Variants in SHISA5 observed in about 807,000 individuals in gnomAD.
SHISA5 encodes protein shisa-5.
SHISA5 carries 21 observed loss-of-function variants against 27.5 expected under a neutral mutation model. The observed-to-expected ratio is 0.76, with a 90% confidence interval of 0.54 to 1.10. The LOEUF (loss-of-function observed/expected upper bound fraction) is 1.10, where lower values mean the gene tolerates loss of function less well. SHISA5 is among the 50% of genes least tolerant of loss of function. SHISA5 has a pLI of 0.00. For missense variants in SHISA5, 314 were observed against 336.3 expected, an observed-to-expected ratio of 0.93 and a Z score of 0.52; for synonymous variants, 137 against 142.2, an observed-to-expected ratio of 0.96 and a Z score of 0.26.
intron 2 of SHISA5, among the ~76,000 whole-genome samples, chr3:48,490,410 C>A (rs1450797473): frequency 6.6e-6 from 1 of 152,350 alleles, no homozygotes; most frequent in Non-Finnish European, 1.5e-5. Context: ...CACCACCCAG[C>A]AGAGCCATGG....
chr3:48,485,245 C>T (rs1484566626), intron 2 of SHISA5, among the ~76,000 whole-genome samples: 2 of 151,926 alleles, frequency 1.3e-5, no homozygotes, highest in Non-Finnish European at 2.9e-5. Flanking sequence ...CCTGTAATCC[C>T]AGCACTTTGG....
chr3:48,482,697 G>A (rs529359188), intron 2 of SHISA5, among the ~76,000 whole-genome samples: 4 of 151,906 alleles, frequency 2.6e-5, no homozygotes, highest in African/African-American at 4.8e-5. Context: ...GTGCAGTGGT[G>A]CAATCTCGGC....
At chr3:48,478,957 C>G (rs2040911874) in intron 3 of SHISA5, among the ~76,000 whole-genome samples, 1 of 152,098 alleles carries the variant, frequency 6.6e-6, no homozygotes, top group Non-Finnish European at 1.5e-5. Flanking sequence ...AATTGTCAAC[C>G]CCCGACCACA....
chr3:48,468,770 A>T lies in SHISA5; in HGVS notation c.*337T>A, dbSNP rs1405907762. ...AGGGTAAGCTGGAGAAGAACTCCAGATGTGCCCTGGAGAGGCCCCCACCTC... is the reference window on the plus strand; with the variant it reads ...AGGGTAAGCTGGAGAAGAACTCCAGTTGTGCCCTGGAGAGGCCCCCACCTC... On this transcript the variant is annotated 3_prime_UTR_variant, in exon 6 of 6. Transcript: ENST00000296444. 1.4e-6 allele frequency: 2 copies of T among 1,393,732 alleles called. No individual in the cohort carries two copies. The highest frequency in any genetic ancestry group is 1.9e-6 in the Non-Finnish European group (2 of 1,056,500). 86.3% of individuals were successfully genotyped at this position (1,393,732 alleles called of 1,614,324 possible).
intron 2 of SHISA5, among the ~76,000 whole-genome samples, 156 bp downstream of exon 2, chr3:48,500,981 C>T (rs904524383): frequency 2.0e-5 from 3 of 152,098 alleles, no homozygotes; most frequent in African/African-American, 7.2e-5. Flanking sequence ...GGGGTCCAGC[C>T]CAGAACAGGG....
At chr3:48,477,062 C>G (rs1201855354) in intron 3 of SHISA5, 1 of 452,218 alleles carries the variant, frequency 2.2e-6, no homozygotes, top group East Asian at 7.0e-5. Flanking sequence ...TTGTTCCGCA[C>G]TGTCTCCTCC....
In SHISA5 at chr3:48,504,120, G is replaced by C; in HGVS notation, c.-26C>G. ...GGCTGGGCGGGCGGACGGGCGGACG[G>C]ACGCGAGCGCCGGGCGCAGTGCCGC... is the stretch of plus-strand genomic sequence containing the variant. On this transcript the variant is annotated 5_prime_UTR_variant, in exon 1 of 6. Transcript: ENST00000296444. The surrounding 1 kb of genome is among the most constrained non-coding windows in gnomAD (Gnocchi z 4.0). The C allele has an allele frequency of 8.3e-7, 1 of 1,205,278 alleles. No individual in the cohort carries two copies. The highest frequency in any genetic ancestry group is 1.1e-6 in the Non-Finnish European group (1 of 932,980). 74.7% of individuals were successfully genotyped at this position (1,205,278 alleles called of 1,614,324 possible). A position where few individuals can be genotyped will look rare whatever the true frequency, so the allele number is the denominator to read the frequency against.
intron 2 of SHISA5, among the ~76,000 whole-genome samples, chr3:48,497,902 A>G (rs968458485): frequency 2.1e-4 from 31 of 151,076 alleles, no homozygotes; most frequent in African/African-American, 6.3e-4. Flanking sequence ...AAAAAAAAGA[A>G]GAGAGAGAGA....
chr3:48,478,190 A>G (rs1243474636), intron 3 of SHISA5, among the ~76,000 whole-genome samples: 1 of 152,104 alleles, frequency 6.6e-6, no homozygotes, highest in Non-Finnish European at 1.5e-5. Context: ...CGTGGAGGGG[A>G]AGGCCTGTAG....
intron 3 of SHISA5, among the ~76,000 whole-genome samples, chr3:48,471,641 G>A (rs1030334256): frequency 1.3e-5 from 2 of 151,338 alleles, no homozygotes; most frequent in African/African-American, 2.4e-5. Flanking sequence ...GGTTGGGTGC[G>A]GTGGCTCACA....
chr3:48,483,768 TGACCCCACCACCTCCCTCCCGGACGGGGC>T (rs2041107086), intron 2 of SHISA5, among the ~76,000 whole-genome samples: 1 of 149,358 alleles, frequency 6.7e-6, no homozygotes, highest in African/African-American at 2.5e-5. Context: ...GGCGGGGGGC[TGACCCCACCACCTCCCTCCCGGACGGGGC>T]GGCTGGCCGG....
chr3:48,469,707 G>A lies in SHISA5; in HGVS notation c.430+21C>T. 6.2e-7 allele frequency: 1 copy of A among 1,613,526 alleles called. No individual in the cohort carries two copies. Among genetic ancestry groups the A allele is most frequent in the South Asian group, 1.1e-5 (1 of 91,020 alleles). ...CTTACCACCCCAGGGGGTCACAGTG[G>A]GGCAGGGTGGGCACGCTTACGACGT... On this transcript the variant is annotated intron_variant, in intron 4 of 5. Transcript: ENST00000296444. This position sits in a 1 kb window ranked among gnomAD's most constrained non-coding sequence, Gnocchi z 4.6.
At position 48,473,561 on chromosome 3, in the gene SHISA5, C is replaced by A; in HGVS notation, c.315-3718G>T. ...GCCTGTCCCTTTAGCTCCTCCTCTC[C>A]CACCAGCACTCTCTCCAATCTGTCT... On this transcript the variant is annotated intron_variant, in intron 3 of 5. Transcript: ENST00000296444. The surrounding 1 kb of genome is among the most constrained non-coding windows in gnomAD (Gnocchi z 4.3). The A allele has an allele frequency of 7.9e-7, 1 of 1,271,468 alleles. No individual in the cohort carries two copies. Among genetic ancestry groups the A allele is most frequent in the Non-Finnish European group, 1.0e-6 (1 of 978,550 alleles). The allele number at this position is 1,271,468 out of a possible 1,614,324, so 78.8% of individuals were successfully genotyped here.
In SHISA5 at chr3:48,469,816, C is replaced by G. The variant is rs2040541030; in HGVS notation, c.342G>C (p.Leu114=). 3.1e-6 allele frequency: 5 copies of G among 1,613,942 alleles called. No individual in the cohort carries two copies. The highest frequency in any genetic ancestry group is 1.3e-5 in the African/African-American group (1 of 74,920). Residue 114 remains leucine, a synonymous_variant, in exon 4 of 6, where the codon CTG becomes CTC. Transcript: ENST00000296444. This position sits in a 1 kb window ranked among gnomAD's most constrained non-coding sequence, Gnocchi z 4.6. ...TGACGACAGACAGCACAAAGATGGT[C>G]AGGCCAACGGCCAAGGTCGCTCCGA... is the stretch of plus-strand genomic sequence containing the variant. ...SGFGATLAVG[L]TIFVLSVVTI... is the part of the protein sequence containing the mutation.
At chr3:48,496,015 A>T (rs2041537614) in intron 2 of SHISA5, among the ~76,000 whole-genome samples, 1 of 146,782 alleles carries the variant, frequency 6.8e-6, no homozygotes, top group Non-Finnish European at 1.5e-5. Context: ...GGCCGGGCGC[A>T]GTGGCTCAAG....
intron 2 of SHISA5, among the ~76,000 whole-genome samples, chr3:48,496,044 T>C (rs972496026): frequency 1.4e-5 from 2 of 145,204 alleles, no homozygotes; most frequent in East Asian, 3.9e-4. Context: ...CCCAGCACTT[T>C]GGGAGGCCGA....
intron 1 of SHISA5, among the ~76,000 whole-genome samples, chr3:48,501,865 T>TTTC (rs2041767086): frequency 6.7e-6 from 1 of 149,378 alleles, no homozygotes; most frequent in East Asian, 1.9e-4. Context: ...TCTTTCTTTT[T>TTTC]TTTTTTTTTT....
chr3:48,488,516 C>T (rs903654534), intron 2 of SHISA5, among the ~76,000 whole-genome samples: 5 of 147,838 alleles, frequency 3.4e-5, no homozygotes, highest in Non-Finnish European at 7.5e-5. Flanking sequence ...CGTGAGCCAC[C>T]GCACCCAGCC....
At chr3:48,487,414 G>A (rs960507422) in intron 2 of SHISA5, among the ~76,000 whole-genome samples, 3 of 151,970 alleles carry the variant, frequency 2.0e-5, no homozygotes, top group African/African-American at 7.3e-5. Flanking sequence ...ATGTTTATAT[G>A]TTTTATAAAT....
Sources: allele counts gnomAD v4.1 joint callset (sites outside exome capture counted in the v4.1 genomes callset), GRCh38; gene constraint gnomAD v4.1.1; non-coding constraint Gnocchi (gnomAD v3.1); transcripts MANE v1.5; gene names NCBI Gene and HGNC (gene_info 2026-07-23, HGNC 2026-07-21).